The following DLGAP2 variants were observed in gnomAD, a reference collection of about 807,000 sequenced individuals.
DLGAP2 encodes the protein DLG associated protein 2.
DLGAP2 carries 26 observed loss-of-function variants against 100.3 expected under a neutral mutation model. The ratio of observed to expected loss-of-function variants is 0.26; its 90% CI spans 0.19 to 0.36. The LOEUF (loss-of-function observed/expected upper bound fraction) is 0.36, where lower values mean the gene tolerates loss of function less well. Among genes scored for constraint, DLGAP2 ranks in the 10% least tolerant of loss-of-function variants. The pLI is 1.00. For missense variants in DLGAP2, 1,858 were observed against 1,453.2 expected, an observed-to-expected ratio of 1.28 and a Z score of -4.53; for synonymous variants, 886 against 630.1, an observed-to-expected ratio of 1.41 and a Z score of -6.08.
intron 2 of DLGAP2, among the ~76,000 whole-genome samples, chr8:1,028,509 C>G (rs1187516583): frequency 6.6e-6 from 1 of 152,176 alleles, no homozygotes; most frequent in Admixed American, 6.5e-5. Context: ...CCGTTATTCT[C>G]CACATGCGGT....
intron 11 of DLGAP2, 54 bp downstream of exon 11, chr8:1,676,672 A>G: frequency 6.5e-7 from 1 of 1,544,050 alleles, no homozygotes; most frequent in Non-Finnish European, 8.8e-7. Flanking sequence ...CTCTTTGTCA[A>G]AGGCCTGATG....
At chr8:841,578 AT>A (rs989507151) in intron 1 of DLGAP2, among the ~76,000 whole-genome samples, 5 of 150,398 alleles carry the variant, frequency 3.3e-5, no homozygotes, top group South Asian at 2.1e-4. Context: ...AATACATGTG[AT>A]TTTTTTTTTG....
chr8:1,629,607 G>A (rs1410993884), intron 7 of DLGAP2, among the ~76,000 whole-genome samples: 2 of 152,254 alleles, frequency 1.3e-5, no homozygotes, highest in African/African-American at 4.8e-5. Context: ...TCCATACACA[G>A]AGATGAGGAT....
chr8:908,215 T>G (rs996551681), intron 2 of DLGAP2, among the ~76,000 whole-genome samples: 51 of 152,236 alleles, frequency 3.4e-4, no homozygotes, highest in African/African-American at 1.1e-3. Flanking sequence ...AGATGATTGT[T>G]GTCCTGGGTT....
At chr8:1,362,238 G>T (rs7012941) in intron 3 of DLGAP2, among the ~76,000 whole-genome samples, 2,819 of 152,158 alleles carry the variant, frequency 0.019, 103 homozygotes, top group African/African-American at 0.065. Context: ...GGGACCTGGT[G>T]TTCCCCACAG....
intron 2 of DLGAP2, among the ~76,000 whole-genome samples, chr8:1,162,763 G>A (rs1796915991): frequency 6.6e-6 from 1 of 152,234 alleles, no homozygotes; most frequent in Non-Finnish European, 1.5e-5. Flanking sequence ...TCCGTTGTCT[G>A]TACTGTGTCT....
chr8:1,506,975 C>T (rs1799942359), intron 4 of DLGAP2, among the ~76,000 whole-genome samples: 1 of 152,222 alleles, frequency 6.6e-6, no homozygotes, highest in Admixed American at 6.5e-5. Flanking sequence ...TAGCTAGATA[C>T]AGGGTGCTGA....
At chr8:1,440,299 A>G (rs1321831664) in intron 3 of DLGAP2, among the ~76,000 whole-genome samples, 1 of 152,198 alleles carries the variant, frequency 6.6e-6, no homozygotes, top group African/African-American at 2.4e-5. Context: ...GTTACAGTTT[A>G]TTGAATTTAA....
At chr8:774,740 T>C (rs1310749766) in intron 1 of DLGAP2, among the ~76,000 whole-genome samples, 5 of 151,126 alleles carry the variant, frequency 3.3e-5, no homozygotes, top group Non-Finnish European at 5.9e-5. Flanking sequence ...CATGCTGTTT[T>C]GGTTACTGTA....
chr8:1,352,472 C>T (rs1390426181), intron 3 of DLGAP2, among the ~76,000 whole-genome samples: 1 of 152,170 alleles, frequency 6.6e-6, no homozygotes, highest in Non-Finnish European at 1.5e-5. Context: ...CAGCTCTTAT[C>T]ACTTCCTAAA....
intron 4 of DLGAP2, among the ~76,000 whole-genome samples, chr8:1,527,914 G>C (rs1456249600): frequency 1.3e-5 from 2 of 150,894 alleles, no homozygotes; most frequent in African/African-American, 4.9e-5. Context: ...ATGCTTTTAA[G>C]TATCTGCAAA....
intron 2 of DLGAP2, among the ~76,000 whole-genome samples, chr8:1,086,830 C>G (rs79967805): frequency 0.03 from 4,509 of 152,204 alleles, 171 homozygotes; most frequent in South Asian, 0.14. Flanking sequence ...TAATATACCA[C>G]TTTCAATAAT....
chr8:1,172,305 C>T (rs1251714855), intron 2 of DLGAP2, among the ~76,000 whole-genome samples: 1 of 152,152 alleles, frequency 6.6e-6, no homozygotes, highest in Non-Finnish European at 1.5e-5. Context: ...TTCTCTCTGG[C>T]TCTCCTTAAC....
intron 3 of DLGAP2, among the ~76,000 whole-genome samples, chr8:1,309,994 C>T (rs143908467): frequency 6.8e-6 from 1 of 146,586 alleles, no homozygotes; most frequent in East Asian, 2.0e-4. Flanking sequence ...ACTTGGGAGG[C>T]TGAGGCAGGA....
intron 6 of DLGAP2, among the ~76,000 whole-genome samples, chr8:1,571,028 T>C (rs1171777123): frequency 7.6e-6 from 1 of 130,872 alleles, no homozygotes; most frequent in Non-Finnish European, 1.6e-5. Context: ...AGGGGCATCT[T>C]CTGGGATGGA....
intron 2 of DLGAP2, among the ~76,000 whole-genome samples, chr8:959,161 T>A (rs1399720032): frequency 6.6e-6 from 1 of 152,152 alleles, no homozygotes. Context: ...AAAAATATAT[T>A]TCCTAATTTT....
At chr8:824,991 G>T (rs921047427) in intron 1 of DLGAP2, among the ~76,000 whole-genome samples, 1 of 152,158 alleles carries the variant, frequency 6.6e-6, no homozygotes, top group African/African-American at 2.4e-5. Flanking sequence ...TCTTTGGAGC[G>T]ATGTCTTCTG....
chr8:1,430,323 G>A (rs1013565994), intron 3 of DLGAP2, among the ~76,000 whole-genome samples: 1 of 152,006 alleles, frequency 6.6e-6, no homozygotes, highest in Non-Finnish European at 1.5e-5. Flanking sequence ...AATCTTTAGT[G>A]GCTTCATTGC....
At chr8:1,506,764 C>A (rs1319519538) in intron 4 of DLGAP2, among the ~76,000 whole-genome samples, 2 of 152,194 alleles carry the variant, frequency 1.3e-5, no homozygotes, top group African/African-American at 4.8e-5. Context: ...CATTTACAAT[C>A]CCTGAGCTAG....
Sources: gnomAD v4.1 joint callset for allele counts (sites outside exome capture counted in the v4.1 genomes callset) on GRCh38, gnomAD v4.1.1 for gene constraint, MANE v1.5 for transcripts, NCBI Gene and HGNC (gene_info 2026-07-23, HGNC 2026-07-21) for gene names.